The following SCAMP2 variants were observed in gnomAD, a reference collection of about 807,000 sequenced individuals.
SCAMP2 encodes the protein secretory carrier membrane protein 2, also known as secretory carrier-associated membrane protein 2.
SCAMP2 carries 25 observed loss-of-function variants against 44.1 expected under a neutral mutation model. The observed-to-expected ratio is 0.57, with a 90% CI of 0.41 to 0.79. The LOEUF is 0.79. SCAMP2 is among the 30% of genes least tolerant of loss of function. SCAMP2 has a pLI of 0.00. For missense variants in SCAMP2, 355 were observed against 411.0 expected (o/e 0.86, Z 1.18); for synonymous variants, 156 against 166.0 (o/e 0.94, Z 0.46).
At chr15:74,854,434 C>T in intron 2 of SCAMP2, 147 bp downstream of exon 2, 1 of 776,798 alleles carries the variant, frequency 1.3e-6, no homozygotes, top group Non-Finnish European at 2.2e-6. Flanking sequence ...CATCCTTACC[C>T]TGCCTCCCGG....
intron 2 of SCAMP2, 39 bp downstream of exon 2, chr15:74,854,542 G>GAGACTTGGGACTTGGGACTTGGAA (rs1379293842): frequency 6.5e-7 from 1 of 1,540,220 alleles, no homozygotes; most frequent in South Asian, 1.2e-5. Flanking sequence ...CACCACCCTA[G>GAGACTTGGGACTTGGGACTTGGAA]AGGGCCATGG....
intron 7 of SCAMP2, among the ~76,000 whole-genome samples, chr15:74,846,949 C>G (rs1031797710): frequency 6.6e-6 from 1 of 152,094 alleles, no homozygotes; most frequent in Non-Finnish European, 1.5e-5. Context: ...CCTCATATTT[C>G]TTGACATCAA....
intron 1 of SCAMP2, among the ~76,000 whole-genome samples, chr15:74,867,632 A>G (rs2064551958): frequency 6.6e-6 from 1 of 152,250 alleles, no homozygotes; most frequent in Non-Finnish European, 1.5e-5. Flanking sequence ...GGAAGGTCCC[A>G]CTGTCTGCAC....
intron 1 of SCAMP2, among the ~76,000 whole-genome samples, chr15:74,870,790 C>T (rs2064570193): frequency 6.6e-6 from 1 of 152,270 alleles, no homozygotes; most frequent in Non-Finnish European, 1.5e-5. Context: ...CTCCTGACAG[C>T]GTATAATTAT....
rs1184856363 is a variant in SCAMP2 at position 74,854,086 on chromosome 15, G to A, written c.160C>T (p.Leu54Phe). The A allele has an allele frequency of 6.2e-7, 1 of 1,614,194 alleles. No homozygotes were observed. The highest frequency in any genetic ancestry group is 1.1e-5 in the South Asian group (1 of 91,092). The change falls in exon 3 of 9, where the codon CTC becomes TTC. Residue 54 changes from leucine (L) to phenylalanine (F), a missense_variant. Coordinates refer to ENST00000268099, the MANE Select transcript of SCAMP2 (RefSeq NM_005697.5). ...NAATTVPVTQ[L>F]PGSSQPAVLQ... ...ACCGCTGGCTGTGAGGACCCAGGGA[G>A]TTGGGTGACAGGAACTGTTGTCGCT...
rs1178904900 is a variant in SCAMP2 at position 74,844,597 on chromosome 15, A to T, written c.*486T>A. 6.5e-6 allele frequency: 1 copy of T among 154,068 alleles called. No individual in the cohort carries two copies. Among genetic ancestry groups the T allele is most frequent in the African/African-American group, 2.4e-5 (1 of 41,446 alleles). The allele number at this position is 154,068 out of a possible 1,614,324, so 9.5% of individuals were successfully genotyped here. A position where few individuals can be genotyped will look rare whatever the true frequency, so the allele number is the denominator to read the frequency against. On this transcript the variant is annotated 3_prime_UTR_variant, in exon 9 of 9. Coordinates refer to ENST00000268099, the MANE Select transcript of SCAMP2 (RefSeq NM_005697.5). Reference sequence around the variant, plus strand: ...GGAGACCACTGGAGTGACCTGGGGAACAGATCTGTCCACCAGAACCTGTGA... The same window carrying T: ...GGAGACCACTGGAGTGACCTGGGGATCAGATCTGTCCACCAGAACCTGTGA...
Position 74,844,996 on chromosome 15 carries a change from AC to A in SCAMP2, c.*86del. ...GAACCCTGCCAGGTCTGTGCTGGGC[AC>A]AACCACCACCACATAAGGCACCCAC... On this transcript the variant is annotated 3_prime_UTR_variant, in exon 9 of 9. Transcript: ENST00000268099. The A allele has an allele frequency of 1.4e-6, 2 of 1,465,494 alleles. No individual in the cohort carries two copies. The highest frequency in any genetic ancestry group is 1.9e-6 in the Non-Finnish European group (2 of 1,070,430). The allele number at this position is 1,465,494 out of a possible 1,614,324, so 90.8% of individuals were successfully genotyped here.
chr15:74,854,867 C>A (rs1250019534), intron 1 of SCAMP2, among the ~76,000 whole-genome samples: 3 of 152,114 alleles, frequency 2.0e-5, no homozygotes, highest in Admixed American at 1.3e-4. Context: ...CCAGAAGAGA[C>A]CCAGAGCAAG....
intron 1 of SCAMP2, 163 bp downstream of exon 1, chr15:74,873,036 G>C: frequency 1.7e-6 from 1 of 573,604 alleles, no homozygotes; most frequent in South Asian, 2.8e-5. Flanking sequence ...TGCTAGTCGC[G>C]CCCCTCACGC....
intron 1 of SCAMP2, among the ~76,000 whole-genome samples, chr15:74,871,733 CA>C (rs1163548435): frequency 1.0e-4 from 15 of 146,928 alleles, no homozygotes; most frequent in East Asian, 4.0e-4. Flanking sequence ...GCCTGGGCAA[CA>C]AGAGCAAAAC....
intron 1 of SCAMP2, among the ~76,000 whole-genome samples, chr15:74,858,168 T>C (rs1371841179): frequency 2.0e-5 from 3 of 152,142 alleles, no homozygotes; most frequent in Non-Finnish European, 4.4e-5. Flanking sequence ...GGAAGGAAGC[T>C]GACATTTACT....
chr15:74,847,086 A>ATTTTTTTTTTTT (rs34231883), intron 7 of SCAMP2, among the ~76,000 whole-genome samples: 1 of 109,308 alleles, frequency 9.1e-6, no homozygotes, highest in Non-Finnish European at 1.8e-5. Context: ...TTGTCAGTTA[A>ATTTTTTTTTTTT]TTTTTTTTTT....
At chr15:74,855,406 CTCT>C (rs2064462487) in intron 1 of SCAMP2, among the ~76,000 whole-genome samples, 1 of 152,034 alleles carries the variant, frequency 6.6e-6, no homozygotes, top group South Asian at 2.1e-4. Flanking sequence ...CTGGCCATTC[CTCT>C]TATTTTGTAA....
At chr15:74,850,467 T>C (rs778866265) in intron 6 of SCAMP2, 47 bp downstream of exon 6, 1 of 1,580,920 alleles carries the variant, frequency 6.3e-7, no homozygotes, top group Non-Finnish European at 8.7e-7. Context: ...GCCTGCTACC[T>C]GGGATGCCAG....
At chr15:74,855,023 G>A (rs2064459403) in intron 1 of SCAMP2, among the ~76,000 whole-genome samples, 1 of 151,704 alleles carries the variant, frequency 6.6e-6, no homozygotes, top group African/African-American at 2.4e-5. Context: ...AGTGAATGGG[G>A]TGGTGAGGGT....
At chr15:74,857,963 T>C (rs1241844588) in intron 1 of SCAMP2, among the ~76,000 whole-genome samples, 2 of 152,196 alleles carry the variant, frequency 1.3e-5, no homozygotes, top group East Asian at 1.9e-4. Context: ...TGCCAGGGCA[T>C]AGCAAACAGG....
At chr15:74,864,579 G>C (rs2064530109) in intron 1 of SCAMP2, among the ~76,000 whole-genome samples, 1 of 152,140 alleles carries the variant, frequency 6.6e-6, no homozygotes. Flanking sequence ...TGAAGGGAGT[G>C]CAACAGCATG....
In SCAMP2 at chr15:74,861,637, G is replaced by A. The variant is rs561536892; in HGVS notation, c.58-6988C>T. On this transcript the variant is annotated intron_variant, in intron 1 of 8. Transcript: ENST00000268099. ...TTTCTGGTCGGGCATGGTGGCTCAC[G>A]CCTATAATCGCAGCACTTTGGGAGG... 4.6e-5 allele frequency among the ~76,000 whole-genome samples: 7 copies of A among 152,238 alleles called. No homozygotes were observed. In the East Asian group the frequency reaches 5.8e-4, roughly 13 times the overall value.
Position 74,852,080 on chromosome 15 carries a change from G to A in SCAMP2, c.332C>T (p.Ala111Val), listed in dbSNP as rs1400202973. The A allele has an allele frequency of 1.9e-6, 3 of 1,577,248 alleles. No individual in the cohort carries two copies. Among genetic ancestry groups the A allele is most frequent in the Non-Finnish European group, 2.6e-6 (3 of 1,161,416 alleles). Residue 111 changes from alanine (A) to valine (V), a missense_variant, in exon 4 of 9, where the codon GCC becomes GTC. Ala to Val is a moderately conservative substitution (Grantham distance 64). Transcript: ENST00000268099. The part of the protein sequence containing the change: ...RKERELQNTV[A>V]NLHVRQNNWP... Reference sequence around the variant, plus strand: ...GCAGCCTCCCTTACCATGCAAGTTGGCTACAGTGTTCTGCAGCTCCCGCTC... The same window carrying A: ...GCAGCCTCCCTTACCATGCAAGTTGACTACAGTGTTCTGCAGCTCCCGCTC...
Sources: gnomAD v4.1 joint callset for allele counts (sites outside exome capture counted in the v4.1 genomes callset) on GRCh38, gnomAD v4.1.1 for gene constraint, MANE v1.5 for transcripts, NCBI Gene and HGNC (gene_info 2026-07-23, HGNC 2026-07-21) for gene names.